Variants in IL27RA observed in about 807,000 individuals in gnomAD.
IL27RA encodes the protein interleukin 27 receptor subunit alpha.
A neutral mutation model predicts 80.8 loss-of-function variants in IL27RA; 61 were observed. That is an observed-to-expected ratio of 0.76 (90% CI 0.61 to 0.93). The LOEUF (loss-of-function observed/expected upper bound fraction) is 0.93. Ranked by LOEUF, IL27RA falls within the 40% of genes least tolerant of loss-of-function variation. The probability of loss-of-function intolerance (pLI) is 0.00; values close to 1 mark genes in which losing one functional copy is unlikely to be tolerated. For missense variants in IL27RA, 735 were observed against 808.1 expected, an observed-to-expected ratio of 0.91 and a Z score of 1.10; for synonymous variants, 316 against 332.5, an observed-to-expected ratio of 0.95 and a Z score of 0.54.
intron 2 of IL27RA, among the ~76,000 whole-genome samples, chr19:14,038,056 T>A (rs1975932397): frequency 6.6e-6 from 1 of 151,664 alleles, no homozygotes; most frequent in Non-Finnish European, 1.5e-5. Context: ...GGTCTCGATC[T>A]CTTGACTTCG....
intron 10 of IL27RA, 39 bp downstream of exon 10, chr19:14,049,353 C>T: frequency 6.3e-7 from 1 of 1,589,724 alleles, no homozygotes. Context: ...TCCCAGCCCC[C>T]ACAAGACCCA....
intron 2 of IL27RA, among the ~76,000 whole-genome samples, chr19:14,034,828 C>T (rs1429894047): frequency 6.6e-6 from 1 of 151,592 alleles, no homozygotes; most frequent in East Asian, 2.0e-4. Flanking sequence ...TGGCTGGCGC[C>T]TGTAGTCCCA....
chr19:14,049,370 A>C (rs1188972271), intron 10 of IL27RA, 56 bp downstream of exon 10: 1 of 1,569,262 alleles, frequency 6.4e-7, no homozygotes, highest in Non-Finnish European at 8.7e-7. Flanking sequence ...CCCACCCATC[A>C]GTCAGCCCCA....
chr19:14,049,106 G>A, intron 9 of IL27RA, 24 bp downstream of exon 9: 1 of 1,612,632 alleles, frequency 6.2e-7, no homozygotes, highest in Non-Finnish European at 8.5e-7. Context: ...TGGAGGATGG[G>A]GGGGCTTCTG....
chr19:14,032,103 G>T lies in IL27RA; in HGVS notation c.100+131G>T, dbSNP rs1156880144. 9.4e-6 allele frequency: 8 copies of T among 847,500 alleles called. No homozygotes were observed. In the African/African-American group the frequency reaches 1.4e-4, roughly 15 times the overall value. The allele number at this position is 847,500 out of a possible 1,614,324, so 52.5% of individuals were successfully genotyped here. ...TGCAGGCGCCACTCGGCTCCTCCCG[G>T]GGCAGGGACCCGGCGACACTGGGGA... On this transcript the variant is annotated intron_variant, in intron 1 of 13. Coordinates refer to ENST00000263379, the MANE Select transcript of IL27RA (RefSeq NM_004843.4).
intron 2 of IL27RA, among the ~76,000 whole-genome samples, chr19:14,035,457 G>A (rs1975883870): frequency 6.6e-6 from 1 of 151,914 alleles, no homozygotes; most frequent in South Asian, 2.1e-4. Flanking sequence ...GTGCAATGGC[G>A]CGATCTCGGC....
At chr19:14,050,650 G>T in intron 10 of IL27RA, 108 bp from the exon 11 acceptor site, 1 of 1,174,686 alleles carries the variant, frequency 8.5e-7, no homozygotes, top group Admixed American at 2.3e-5. Flanking sequence ...TGAGGAGGGA[G>T]CCATGTGGAT....
chr19:14,049,943 C>G (rs553808193), intron 10 of IL27RA, among the ~76,000 whole-genome samples: 3 of 151,744 alleles, frequency 2.0e-5, no homozygotes, highest in African/African-American at 7.2e-5. Flanking sequence ...AATCCCAGCA[C>G]TTTGGGAGGC....
Position 14,052,152 on chromosome 19 carries a change from G to A in IL27RA, c.1773G>A (p.Met591Ile). ...TGCCCATCCTGGAAGTGGAGGAGAT[G>A]GAGCCCCCGCCGGTTATGGAGTCCT... The part of the protein sequence containing the change: ...GDLPILEVEE[M>I]EPPPVMESSQ... The change falls in exon 14 of 14, where the codon ATG becomes ATA. Residue 591 changes from methionine (M) to isoleucine (I), a missense_variant. Coordinates refer to ENST00000263379, the MANE Select transcript of IL27RA (RefSeq NM_004843.4). 1 of 1,612,888 alleles carries A rather than the reference G, an allele frequency of 6.2e-7. No homozygotes were observed. The highest frequency in any genetic ancestry group is 8.5e-7 in the Non-Finnish European group (1 of 1,179,638).
intron 1 of IL27RA, 39 bp downstream of exon 1, chr19:14,032,011 C>A: frequency 6.5e-7 from 1 of 1,537,824 alleles, no homozygotes; most frequent in East Asian, 2.4e-5. Flanking sequence ...GGCGCTGCCG[C>A]TGCGCTCCCC....
intron 6 of IL27RA, among the ~76,000 whole-genome samples, chr19:14,045,510 C>A (rs140877156): frequency 2.7e-5 from 4 of 147,550 alleles, no homozygotes; most frequent in African/African-American, 7.5e-5. Context: ...CTGAGGCAGG[C>A]GAATGGCGTG....
intron 2 of IL27RA, among the ~76,000 whole-genome samples, chr19:14,032,879 C>A: frequency 6.6e-6 from 1 of 151,146 alleles, no homozygotes; most frequent in Non-Finnish European, 1.5e-5. Context: ...CCCAATACTC[C>A]TCCACTCCTT....
Position 14,051,869 on chromosome 19 carries a change from T to C in IL27RA, c.1623-11T>C, listed in dbSNP as rs1385706441. ...CTGGATCTGCTGCCCTGACTACTCC[T>C]GTCTTGCCAGGTGCTACCACCTAAG... On this transcript the variant is annotated splice_polypyrimidine_tract_variant and intron_variant, in intron 12 of 13. Transcript: ENST00000263379. 6.4e-7 allele frequency: 1 copy of C among 1,572,910 alleles called. No individual in the cohort carries two copies. Among genetic ancestry groups the C allele is most frequent in the Admixed American group, 1.9e-5 (1 of 53,730 alleles).
At chr19:14,049,403 C>T (rs1976124858) in intron 10 of IL27RA, 89 bp downstream of exon 10, 3 of 1,381,758 alleles carry the variant, frequency 2.2e-6, no homozygotes, top group Non-Finnish European at 3.0e-6. Flanking sequence ...ACGTGGGCCT[C>T]TTTGGCCCAG....
intron 1 of IL27RA, 110 bp downstream of exon 1, chr19:14,032,082 G>A: frequency 1.1e-6 from 1 of 948,650 alleles, no homozygotes; most frequent in Non-Finnish European, 1.6e-6. Context: ...TAGAGGTGCA[G>A]GCGCCACTCG....
In IL27RA at chr19:14,046,255, C is replaced by T. The variant is rs749216683; in HGVS notation, c.870C>T (p.Pro290=). 3.1e-6 allele frequency: 5 copies of T among 1,614,070 alleles called. No homozygotes were observed. The highest frequency in any genetic ancestry group is 4.2e-6 in the Non-Finnish European group (5 of 1,180,044). Reference sequence around the variant, plus strand: ...TTACCTGCTGCTGCTCCCTAATTCCCAGTGGGGCGGAGTGGGCCAGGGTGT... The same window carrying T: ...TTACCTGCTGCTGCTCCCTAATTCCTAGTGGGGCGGAGTGGGCCAGGGTGT... ...EGITCCCSLI[P]SGAEWARVSA... The change falls in exon 7 of 14, where the codon CCC becomes CCT. Residue 290 remains proline, a synonymous_variant. Transcript: ENST00000263379.
chr19:14,047,115 C>G (rs1976079005), intron 8 of IL27RA, among the ~76,000 whole-genome samples: 1 of 151,690 alleles, frequency 6.6e-6, no homozygotes, highest in African/African-American at 2.4e-5. Flanking sequence ...GCCATCTCAG[C>G]TCACTGCAAC....
chr19:14,040,872 A>G (rs1302282677), intron 4 of IL27RA, among the ~76,000 whole-genome samples: 1 of 151,566 alleles, frequency 6.6e-6, no homozygotes, highest in Admixed American at 6.6e-5. Flanking sequence ...GTGATTATTC[A>G]TGCAATTCAG....
intron 2 of IL27RA, among the ~76,000 whole-genome samples, chr19:14,036,077 T>TA (rs373140888): frequency 0.18 from 24,079 of 132,186 alleles, 2,254 homozygotes; most frequent in South Asian, 0.36. Context: ...CCGTCTCTAT[T>TA]AAAAAAAAAA....
Sources: allele counts gnomAD v4.1 joint callset (sites outside exome capture counted in the v4.1 genomes callset), GRCh38; gene constraint gnomAD v4.1.1; transcripts MANE v1.5; gene names NCBI Gene and HGNC (gene_info 2026-07-23, HGNC 2026-07-21).